Variants in PROCR observed in about 807,000 individuals in gnomAD.
PROCR encodes the protein endothelial protein C receptor.
A neutral mutation model predicts 24.2 loss-of-function variants in PROCR; 22 were observed. That is an observed-to-expected ratio of 0.91 (90% confidence interval 0.65 to 1.30). The LOEUF is 1.30. Among genes scored for constraint, PROCR ranks in the 50% most tolerant of loss-of-function variants. PROCR has a pLI of 0.00. For synonymous variants in PROCR, 137 were observed against 139.2 expected (o/e 0.98, Z 0.11); for missense variants, 288 against 307.7 (o/e 0.94, Z 0.48).
chr20:35,184,838 C>G (rs955406197), intron 1 of PROCR, among the ~76,000 whole-genome samples: 1 of 151,818 alleles, frequency 6.6e-6, no homozygotes, highest in Admixed American at 6.6e-5. Flanking sequence ...ACAAAAAAAC[C>G]AAAAGCAGTT....
chr20:35,206,617 T>A (rs910320945), intron 1 of PROCR, among the ~76,000 whole-genome samples: 3 of 151,490 alleles, frequency 2.0e-5, no homozygotes, highest in Non-Finnish European at 2.9e-5. Flanking sequence ...ATGCTCAACA[T>A]CATTTGTTGG....
chr20:35,192,405 A>G (rs569688772), intron 1 of PROCR, among the ~76,000 whole-genome samples: 5 of 152,158 alleles, frequency 3.3e-5, no homozygotes, highest in Non-Finnish European at 5.9e-5. Context: ...TCTCTTACAG[A>G]CTAAGTGTTT....
intron 1 of PROCR, among the ~76,000 whole-genome samples, chr20:35,187,653 T>C (rs144845082): frequency 6.6e-6 from 1 of 152,334 alleles, no homozygotes; most frequent in African/African-American, 2.4e-5. Context: ...AGGGAGAAGA[T>C]ATGATCCTCA....
exon 2 of PROCR, chr20:35,215,990 G>A (rs1235189050): frequency 2.0e-6 from 1 of 503,952 alleles, no homozygotes; most frequent in Non-Finnish European, 2.6e-6. Context: ...TTGAGGTTGG[G>A]AGTTCGAGAC....
chr20:35,188,027 C>T (rs2086142829), intron 1 of PROCR, among the ~76,000 whole-genome samples: 1 of 152,122 alleles, frequency 6.6e-6, no homozygotes, highest in Admixed American at 6.6e-5. Context: ...CAAATGACTC[C>T]CTGGCATATT....
chr20:35,181,499 T>G (rs1426808630), downstream of PROCR, among the ~76,000 whole-genome samples: 1 of 152,008 alleles, frequency 6.6e-6, no homozygotes, highest in Non-Finnish European at 1.5e-5. Context: ...GGTCTTGAAC[T>G]CCTGACCTCA....
chr20:35,195,838 GAAAAA>G (rs1366396244), intron 1 of PROCR, among the ~76,000 whole-genome samples: 2 of 138,396 alleles, frequency 1.4e-5, no homozygotes, highest in African/African-American at 5.5e-5. Context: ...AAAAAAAAAA[GAAAAA>G]GAAAAGAAAG....
At chr20:35,208,373 T>G (rs2060349688) in intron 1 of PROCR, among the ~76,000 whole-genome samples, 1 of 152,356 alleles carries the variant, frequency 6.6e-6, no homozygotes, top group East Asian at 1.9e-4. Context: ...TTATCTTAAC[T>G]GACTCTAATC....
chr20:35,184,895 GC>G (rs1307037712), intron 1 of PROCR, among the ~76,000 whole-genome samples: 1 of 152,098 alleles, frequency 6.6e-6, no homozygotes, highest in Non-Finnish European at 1.5e-5. Context: ...AAACCAAAGA[GC>G]TTTTGCACGG....
downstream of PROCR, among the ~76,000 whole-genome samples, chr20:35,178,509 T>TTTTTTTTTTTG (rs2086046513): frequency 7.5e-5 from 2 of 26,810 alleles, no homozygotes; most frequent in African/African-American, 5.6e-4. Context: ...AAGTCTCAGT[T>TTTTTTTTTTTG]TTTTTTTTTT....
intron 1 of PROCR, among the ~76,000 whole-genome samples, chr20:35,190,473 A>G (rs532748315): frequency 2.0e-5 from 3 of 152,096 alleles, no homozygotes; most frequent in African/African-American, 7.2e-5. Flanking sequence ...CCCTTTTCCC[A>G]CCCAAACAAA....
chr20:35,211,578 C>G (rs1262242592), intron 1 of PROCR, among the ~76,000 whole-genome samples: 1 of 152,138 alleles, frequency 6.6e-6, no homozygotes, highest in Non-Finnish European at 1.5e-5. Flanking sequence ...TACATCCACT[C>G]CAGCTGATTC....
In PROCR at chr20:35,201,168, TA is replaced by T. The variant is rs1258147164; in HGVS notation, c.95-14713del. Among the ~76,000 whole-genome samples, 135 of 135,818 alleles carry T rather than the reference TA, an allele frequency of 9.9e-4. 1 individual carries two copies. The highest frequency in any genetic ancestry group is 3.7e-3 in the Middle Eastern group (1 of 270). 89.1% of individuals were successfully genotyped at this position (135,818 alleles called of 152,430 possible). A position where few individuals can be genotyped will look rare whatever the true frequency, so the allele number is the denominator to read the frequency against. ...GTATTATTATCCCTAGATCAACAGC[TA>T]AAAAAAAAAAACCACAAAAGATATA... is the stretch of plus-strand genomic sequence containing the variant. On this transcript the variant is annotated intron_variant, in intron 1 of 1. Coordinates refer to the PROCR transcript ENST00000634509.
At chr20:35,213,065 T>C (rs889092828) in intron 1 of PROCR, among the ~76,000 whole-genome samples, 2 of 152,242 alleles carry the variant, frequency 1.3e-5, no homozygotes, top group Non-Finnish European at 2.9e-5. Flanking sequence ...GCACAGTGGC[T>C]CACGCCCATA....
chr20:35,174,664 C>T, intron 1 of PROCR, 38 bp from the exon 2 acceptor site: 1 of 1,612,882 alleles, frequency 6.2e-7, no homozygotes, highest in African/African-American at 1.3e-5. Context: ...GCCGCCCCCT[C>T]CCACGCCGGC....
chr20:35,210,013 C>G (rs4911172), intron 1 of PROCR, among the ~76,000 whole-genome samples: 30,546 of 151,918 alleles, frequency 0.2, 3,062 homozygotes, highest in Middle Eastern at 0.33. Flanking sequence ...GATCACTGGA[C>G]CCCAGGAGTT....
At chr20:35,195,233 G>C (rs2086205564) in intron 1 of PROCR, 1 of 152,056 alleles carries the variant, frequency 6.6e-6, no homozygotes, top group South Asian at 2.1e-4. Context: ...ATGAATGAGT[G>C]AATTTGAAGA....
intron 1 of PROCR, among the ~76,000 whole-genome samples, chr20:35,194,517 G>C (rs1426622084): frequency 6.6e-6 from 1 of 152,174 alleles, no homozygotes; most frequent in Non-Finnish European, 1.5e-5. Context: ...GGCACAAATG[G>C]AGAGACCAAC....
intron 1 of PROCR, chr20:35,202,437 G>C (rs940078806): frequency 1.4e-5 from 2 of 140,374 alleles, no homozygotes; most frequent in African/African-American, 5.2e-5. Context: ...CCAGGTGGTA[G>C]AGCAAGATTC....
Sources: gnomAD v4.1 joint callset for allele counts (sites outside exome capture counted in the v4.1 genomes callset) on GRCh38, gnomAD v4.1.1 for gene constraint, MANE v1.5 for transcripts, NCBI Gene and HGNC (gene_info 2026-07-23, HGNC 2026-07-21) for gene names.